Variants in CNTN5 observed in about 807,000 individuals in gnomAD.
CNTN5 encodes contactin-5.
In CNTN5, 77 loss-of-function variants were observed where a neutral mutation model predicts 129.1. The observed-to-expected ratio is 0.60, with a 90% CI of 0.50 to 0.72. CNTN5 has a LOEUF of 0.72. Among genes scored for constraint, CNTN5 ranks in the 30% least tolerant of loss-of-function variants. CNTN5 has a pLI of 0.00. For missense variants in CNTN5, 1,478 were observed against 1,328.8 expected (o/e 1.11, Z -1.75); for synonymous variants, 509 against 465.6 (o/e 1.09, Z -1.20).
chr11:99,868,333 T>A (rs1007004564), intron 6 of CNTN5, among the ~76,000 whole-genome samples: 4 of 152,132 alleles, frequency 2.6e-5, no homozygotes, highest in African/African-American at 9.7e-5. Flanking sequence ...TAAGCCAACA[T>A]TTGTTGAAAA....
At chr11:99,831,789 T>G (rs1418315100) in intron 4 of CNTN5, among the ~76,000 whole-genome samples, 3 of 152,152 alleles carry the variant, frequency 2.0e-5, no homozygotes, top group African/African-American at 7.2e-5. Flanking sequence ...TACTTCAAAA[T>G]GTTATTTTTT....
chr11:99,535,755 T>C (rs772492942), intron 2 of CNTN5, among the ~76,000 whole-genome samples: 10 of 152,190 alleles, frequency 6.6e-5, no homozygotes, highest in Non-Finnish European at 1.0e-4. Flanking sequence ...AAAATGATGC[T>C]TTCTCTTTGT....
chr11:99,719,725 C>T (rs1943103023), intron 3 of CNTN5, among the ~76,000 whole-genome samples: 1 of 151,856 alleles, frequency 6.6e-6, no homozygotes, highest in Non-Finnish European at 1.5e-5. Flanking sequence ...AGACACAAAA[C>T]TTCAAGAGAT....
rs1864891452 is a variant in CNTN5 at position 99,061,823 on chromosome 11, C to T, written c.-210+40553C>T. Among the ~76,000 whole-genome samples, 3 of 151,916 alleles carry T rather than the reference C, an allele frequency of 2.0e-5. No individual in the cohort carries two copies. The South Asian group carries it at 6.2e-4, about 32-fold the overall frequency. ...TCTGGGCAACATAGTGAGACCCTGT[C>T]TCAACAACAACAAAGAAAAATAGGC... On this transcript the variant is annotated intron_variant, in intron 1 of 24. Coordinates refer to ENST00000524871, the MANE Select transcript of CNTN5 (RefSeq NM_014361.4).
At chr11:99,818,807 A>T (rs1946676528) in intron 3 of CNTN5, among the ~76,000 whole-genome samples, 1 of 152,292 alleles carries the variant, frequency 6.6e-6, no homozygotes, top group South Asian at 2.1e-4. Context: ...AAAATATGAA[A>T]TTTATCAATA....
At chr11:100,240,012 A>G (rs545333906) in intron 16 of CNTN5, among the ~76,000 whole-genome samples, 1 of 152,356 alleles carries the variant, frequency 6.6e-6, no homozygotes, top group Admixed American at 6.5e-5. Context: ...GAAATACTTA[A>G]TCACTGTTGC....
At chr11:100,303,356 A>ATTT (rs1166828550) in intron 20 of CNTN5, among the ~76,000 whole-genome samples, 5 of 151,482 alleles carry the variant, frequency 3.3e-5, no homozygotes, top group African/African-American at 1.2e-4. Context: ...GATAAAAATT[A>ATTT]ATTTTTTTCC....
chr11:99,944,249 A>G (rs7118812), intron 7 of CNTN5, among the ~76,000 whole-genome samples: 28,076 of 151,978 alleles, frequency 0.18, 2,587 homozygotes, highest in Middle Eastern at 0.23. Flanking sequence ...CAACACCCTA[A>G]CATCACAATT....
At chr11:99,787,249 G>A (rs1945564174) in intron 3 of CNTN5, among the ~76,000 whole-genome samples, 1 of 151,586 alleles carries the variant, frequency 6.6e-6, no homozygotes, top group East Asian at 1.9e-4. Flanking sequence ...GTATGTAAAT[G>A]CACTTTAGAA....
intron 3 of CNTN5, among the ~76,000 whole-genome samples, chr11:99,796,861 T>A (rs957624454): frequency 6.6e-6 from 1 of 151,876 alleles, no homozygotes; most frequent in African/African-American, 2.4e-5. Flanking sequence ...TCTAAGCAGC[T>A]CTCCCTGACA....
At chr11:99,916,276 G>A (rs1381763938) in intron 7 of CNTN5, 127 bp downstream of exon 7, 1 of 646,816 alleles carries the variant, frequency 1.5e-6, no homozygotes, top group African/African-American at 1.8e-5. Flanking sequence ...ACATCTATCA[G>A]AGTGCCAGAT....
intron 3 of CNTN5, among the ~76,000 whole-genome samples, chr11:99,731,311 C>T (rs189462191): frequency 0.014 from 2,151 of 151,948 alleles, 21 homozygotes; most frequent in South Asian, 0.033. Flanking sequence ...CGGGGTTTCA[C>T]TGTGTTAGCC....
chr11:99,532,092 T>C (rs962525774), intron 2 of CNTN5, among the ~76,000 whole-genome samples: 1 of 151,828 alleles, frequency 6.6e-6, no homozygotes, highest in Non-Finnish European at 1.5e-5. Flanking sequence ...CAGCAGCCCC[T>C]GAAACCAGCC....
chr11:100,078,689 T>A (rs1944242366), intron 13 of CNTN5, among the ~76,000 whole-genome samples: 1 of 152,104 alleles, frequency 6.6e-6, no homozygotes, highest in African/African-American at 2.4e-5. Context: ...GTAAGCTGAT[T>A]GGGTTGTGAG....
At chr11:99,793,825 T>A (rs533637034) in intron 3 of CNTN5, among the ~76,000 whole-genome samples, 7 of 152,264 alleles carry the variant, frequency 4.6e-5, no homozygotes, top group Non-Finnish European at 1.5e-5. Context: ...TAGGATTGTT[T>A]ATGAATTATT....
intron 2 of CNTN5, among the ~76,000 whole-genome samples, chr11:99,333,362 G>A (rs1439289611): frequency 6.6e-6 from 1 of 151,930 alleles, no homozygotes; most frequent in Non-Finnish European, 1.5e-5. Flanking sequence ...CTTAAAAATT[G>A]TAGTTGCTTA....
chr11:100,109,193 C>T (rs1430084126), intron 13 of CNTN5, among the ~76,000 whole-genome samples: 1 of 152,078 alleles, frequency 6.6e-6, no homozygotes, highest in Admixed American at 6.6e-5. Context: ...TTTGGGAGGT[C>T]GAGGCGGATG....
rs758718492 is a variant in CNTN5, at chr11:99,552,207, G to GTTTTT, written c.-70-3937_-70-3933dup. Among the ~76,000 whole-genome samples, 86 of 146,730 alleles carry GTTTTT rather than the reference G, an allele frequency of 5.9e-4. 1 individual carries two copies. Among genetic ancestry groups the GTTTTT allele is most frequent in the East Asian group, 2.2e-3 (10 of 4,618 alleles). On this transcript the variant is annotated intron_variant, in intron 2 of 24. Transcript: ENST00000524871. ...CAGACATGAGCTACGCACCTGGTCA[G>GTTTTT]TTTTTGTGTTTTTTTTTTTGTATTA...
At chr11:99,609,496 T>G (rs1950533095) in intron 3 of CNTN5, among the ~76,000 whole-genome samples, 1 of 152,256 alleles carries the variant, frequency 6.6e-6, no homozygotes, top group East Asian at 1.9e-4. Context: ...ATTAATGTAT[T>G]CAGGGAGCCG....
Sources: allele counts gnomAD v4.1 joint callset (sites outside exome capture counted in the v4.1 genomes callset), GRCh38; gene constraint gnomAD v4.1.1; transcripts MANE v1.5; gene names NCBI Gene and HGNC (gene_info 2026-07-23, HGNC 2026-07-21).